The following SGPP2 variants were observed in gnomAD, a reference collection of about 807,000 sequenced individuals.
SGPP2 encodes sphingosine-1-phosphate phosphatase 2, also known as sphingosine 1-phosphate phosphohydrolase 2.
SGPP2 carries 30 observed loss-of-function variants against 33.9 expected under a neutral mutation model. The ratio of observed to expected loss-of-function variants is 0.89; its 90% CI spans 0.66 to 1.20. SGPP2 has a LOEUF of 1.20. Ranked by LOEUF, SGPP2 falls within the 50% of genes most tolerant of loss-of-function variation. The pLI is 0.00. For missense variants in SGPP2, 458 were observed against 532.1 expected, an observed-to-expected ratio of 0.86 and a Z score of 1.37; for synonymous variants, 233 against 225.0, an observed-to-expected ratio of 1.04 and a Z score of -0.32.
Position 222,477,143 on chromosome 2 carries a change from GTA to G in SGPP2, c.378+2423_378+2424del, listed in dbSNP as rs1038211101. Among the ~76,000 whole-genome samples the G allele has an allele frequency of 6.6e-6, 1 of 151,454 alleles. No individual in the cohort carries two copies. Among genetic ancestry groups the G allele is most frequent in the East Asian group, 1.9e-4 (1 of 5,170 alleles). ...TGTGTATGTGTGTGTATATAGGTGTGTATATATCTGTGTGTGTGTATAGGTGT... is the reference window on the plus strand; with the variant it reads ...TGTGTATGTGTGTGTATATAGGTGTGTATATCTGTGTGTGTGTATAGGTGT... On this transcript the variant is annotated intron_variant, in intron 2 of 4. Coordinates refer to ENST00000321276, the MANE Select transcript of SGPP2 (RefSeq NM_152386.4). This position sits in a 1 kb window ranked among gnomAD's most constrained non-coding sequence, Gnocchi z 6.0.
chr2:222,537,832 A>G (rs1032405798), intron 4 of SGPP2, among the ~76,000 whole-genome samples: 1 of 152,264 alleles, frequency 6.6e-6, no homozygotes, highest in African/African-American at 2.4e-5. Flanking sequence ...GAATGGTATT[A>G]TCAAGATATG....
chr2:222,474,982 C>A (rs569852691), intron 2 of SGPP2, among the ~76,000 whole-genome samples: 1 of 152,224 alleles, frequency 6.6e-6, no homozygotes, highest in South Asian at 2.1e-4. Context: ...TACATCTTTG[C>A]AGAATTCAGG....
At chr2:222,539,461 A>G (rs568600581) in intron 4 of SGPP2, among the ~76,000 whole-genome samples, 2 of 152,232 alleles carry the variant, frequency 1.3e-5, no homozygotes, top group Non-Finnish European at 2.9e-5. Context: ...TGGGGAGCAC[A>G]GAGATCATTG....
chr2:222,448,870 C>A (rs1464891896), intron 1 of SGPP2, among the ~76,000 whole-genome samples: 3 of 152,156 alleles, frequency 2.0e-5, no homozygotes, highest in Non-Finnish European at 4.4e-5. Flanking sequence ...TGACAGCAGT[C>A]CAGAGCCAGA....
chr2:222,486,298 G>A (rs769034247), intron 2 of SGPP2, among the ~76,000 whole-genome samples: 2 of 152,146 alleles, frequency 1.3e-5, no homozygotes, highest in Non-Finnish European at 2.9e-5. Context: ...ACCATCTCCT[G>A]GTGCCTGAAG....
At position 222,472,545 on chromosome 2, in the gene SGPP2, T is replaced by C. The variant is rs144415402; in HGVS notation, c.220-2023T>C. 1.7e-3 allele frequency among the ~76,000 whole-genome samples: 262 copies of C among 152,218 alleles called. 1 individual carries two copies. Among genetic ancestry groups the C allele is most frequent in the African/African-American group, 5.1e-3 (210 of 41,536 alleles). ...GATGATGATACAGATATAGGAGCAA[T>C]TGAGGAAGTCACACGCCTGGTCAGT... is the stretch of plus-strand genomic sequence containing the variant. On this transcript the variant is annotated intron_variant, in intron 1 of 4. Coordinates refer to ENST00000321276, the MANE Select transcript of SGPP2 (RefSeq NM_152386.4).
chr2:222,508,293 G>A (rs545767572), intron 2 of SGPP2, among the ~76,000 whole-genome samples: 4 of 152,238 alleles, frequency 2.6e-5, no homozygotes, highest in South Asian at 4.2e-4. Context: ...ACTTAGATTC[G>A]GTAGTGAGTT....
chr2:222,435,405 C>G (rs1438548544), intron 1 of SGPP2, among the ~76,000 whole-genome samples: 1 of 152,148 alleles, frequency 6.6e-6, no homozygotes, highest in Non-Finnish European at 1.5e-5. Flanking sequence ...TGGCAACACC[C>G]TCACAGACAC....
chr2:222,552,544 C>A (rs1239397729), intron 4 of SGPP2, among the ~76,000 whole-genome samples: 1 of 152,122 alleles, frequency 6.6e-6, no homozygotes, highest in South Asian at 2.1e-4. Context: ...ATAGGTACAC[C>A]AAAATCTCAC....
chr2:222,471,521 C>G (rs1312412061), intron 1 of SGPP2, among the ~76,000 whole-genome samples: 1 of 151,978 alleles, frequency 6.6e-6, no homozygotes, highest in Non-Finnish European at 1.5e-5. Context: ...TGTGCTCTTC[C>G]CCCCTCTCCC....
chr2:222,432,441 A>G (rs531417647), intron 1 of SGPP2, among the ~76,000 whole-genome samples: 1 of 152,360 alleles, frequency 6.6e-6, no homozygotes, highest in Non-Finnish European at 1.5e-5. Context: ...TGATTGAGCC[A>G]GGGCTCAGCC....
intron 1 of SGPP2, among the ~76,000 whole-genome samples, chr2:222,466,281 CAG>C (rs1697744228): frequency 9.6e-6 from 1 of 103,934 alleles, no homozygotes; most frequent in African/African-American, 3.9e-5. Flanking sequence ...TTTTTTTAGA[CAG>C]AGTCTCTCTC....
chr2:222,522,147 G>A (rs1698695894), intron 3 of SGPP2, among the ~76,000 whole-genome samples: 1 of 152,242 alleles, frequency 6.6e-6, no homozygotes, highest in South Asian at 2.1e-4. Flanking sequence ...ATCAGGTTAT[G>A]CCTGTGTGTG....
At chr2:222,503,152 C>T (rs1444204056) in intron 2 of SGPP2, among the ~76,000 whole-genome samples, 1 of 152,146 alleles carries the variant, frequency 6.6e-6, no homozygotes, top group Non-Finnish European at 1.5e-5. Context: ...AAAAAGATCT[C>T]TATTTAGATT....
At chr2:222,539,364 G>A (rs1364814730) in intron 4 of SGPP2, among the ~76,000 whole-genome samples, 1 of 152,196 alleles carries the variant, frequency 6.6e-6, no homozygotes, top group South Asian at 2.1e-4. Context: ...CTGTATGTTA[G>A]AGGAGAAAAT....
rs916957370 is a variant in SGPP2, at chr2:222,460,968, C to G, written c.220-13600C>G. Among the ~76,000 whole-genome samples the G allele has an allele frequency of 7.9e-5, 12 of 152,140 alleles. No individual in the cohort carries two copies. The highest frequency in any genetic ancestry group is 2.9e-4 in the African/African-American group (12 of 41,418). On this transcript the variant is annotated intron_variant, in intron 1 of 4. Coordinates refer to ENST00000321276, the MANE Select transcript of SGPP2 (RefSeq NM_152386.4). The surrounding 1 kb of genome is among the most constrained non-coding windows in gnomAD (Gnocchi z 4.3). ...CTGAAGTGCAGTGGCATGATAATAGCTCACTGCAGCCTTGAACCCCCAGGC... is the reference window on the plus strand; with the variant it reads ...CTGAAGTGCAGTGGCATGATAATAGGTCACTGCAGCCTTGAACCCCCAGGC...
At chr2:222,493,057 T>A (rs1231936787) in intron 2 of SGPP2, among the ~76,000 whole-genome samples, 1 of 152,244 alleles carries the variant, frequency 6.6e-6, no homozygotes, top group Non-Finnish European at 1.5e-5. Context: ...CCCTCCAAAC[T>A]GTTCCAACCT....
chr2:222,432,380 C>G (rs968392054), intron 1 of SGPP2, among the ~76,000 whole-genome samples: 3 of 152,192 alleles, frequency 2.0e-5, no homozygotes, highest in African/African-American at 7.2e-5. Context: ...TTTCTTAAGA[C>G]AGAGGTTGCC....
rs138715606 is a variant in SGPP2, at chr2:222,550,168, G to A, written c.649-8179G>A. Among the ~76,000 whole-genome samples, 258 of 152,186 alleles carry A rather than the reference G, an allele frequency of 1.7e-3. No homozygotes were observed. The highest frequency in any genetic ancestry group is 6.0e-3 in the African/African-American group (248 of 41,522). On this transcript the variant is annotated intron_variant, in intron 4 of 4. Coordinates refer to ENST00000321276, the MANE Select transcript of SGPP2 (RefSeq NM_152386.4). This position sits in a 1 kb window ranked among gnomAD's most constrained non-coding sequence, Gnocchi z 4.5. Reference sequence around the variant, plus strand: ...GCTGGGATTACAGGCATGAGCCACCGCACCCAGCCTGTATGCCTTTATTTT... The same window carrying A: ...GCTGGGATTACAGGCATGAGCCACCACACCCAGCCTGTATGCCTTTATTTT...
Sources: gnomAD v4.1 joint callset for allele counts (sites outside exome capture counted in the v4.1 genomes callset) on GRCh38, gnomAD v4.1.1 for gene constraint, Gnocchi (gnomAD v3.1) non-coding constraint, MANE v1.5 for transcripts, NCBI Gene and HGNC (gene_info 2026-07-23, HGNC 2026-07-21) for gene names.